The following CSMD1 variants were observed in gnomAD, a reference collection of about 807,000 sequenced individuals.
The protein encoded by CSMD1 is CUB and Sushi multiple domains 1, also known as CUB and sushi domain-containing protein 1.
Under a neutral mutation model 417.5 loss-of-function variants are expected in CSMD1, and 213 were observed. The ratio of observed to expected loss-of-function variants is 0.51; its 90% CI spans 0.46 to 0.57. CSMD1 has a LOEUF of 0.57. Ranked by LOEUF, CSMD1 falls within the 20% of genes least tolerant of loss-of-function variation. The pLI is 0.00. For missense variants in CSMD1, 6,923 were observed against 4,529.7 expected (o/e 1.53, Z -15.17); for synonymous variants, 2,862 against 1,736.8 (o/e 1.65, Z -16.11).
chr8:3,135,077 C>T (rs1284209060), intron 41 of CSMD1, among the ~76,000 whole-genome samples: 2 of 152,108 alleles, frequency 1.3e-5, no homozygotes, highest in Admixed American at 1.3e-4. Context: ...GTGTCCAACA[C>T]CACGCCCAGC....
chr8:4,385,409 C>T (rs188281380), intron 3 of CSMD1, among the ~76,000 whole-genome samples: 1 of 152,304 alleles, frequency 6.6e-6, no homozygotes, highest in African/African-American at 2.4e-5. Context: ...AATGCATGCA[C>T]TTGCTACAGC....
At chr8:4,491,102 G>C (rs796704135) in intron 2 of CSMD1, among the ~76,000 whole-genome samples, 18 of 152,250 alleles carry the variant, frequency 1.2e-4, no homozygotes, top group African/African-American at 3.9e-4. Flanking sequence ...ATGGGTACTA[G>C]GCTTAATATG....
At chr8:4,516,641 G>C (rs1419140438) in intron 2 of CSMD1, among the ~76,000 whole-genome samples, 1 of 152,076 alleles carries the variant, frequency 6.6e-6, no homozygotes, top group African/African-American at 2.4e-5. Flanking sequence ...CCTGTTGTGT[G>C]ATCCTGCCTC....
chr8:3,556,415 T>TATATATACACATACATA (rs1799148435), intron 10 of CSMD1, among the ~76,000 whole-genome samples: 1 of 57,102 alleles, frequency 1.8e-5, no homozygotes, highest in African/African-American at 6.2e-5. Context: ...ATATATATAT[T>TATATATACACATACATA]CACACACACA....
rs538500026 is a variant in CSMD1 at position 4,406,718 on chromosome 8, C to G, written c.415+13235G>C. Among the ~76,000 whole-genome samples the G allele has an allele frequency of 1.2e-4, 18 of 152,134 alleles. 1 individual carries two copies. In the South Asian group the frequency reaches 3.3e-3, roughly 28 times the overall value. On this transcript the variant is annotated intron_variant, in intron 3 of 69. Coordinates refer to ENST00000635120, the MANE Select transcript of CSMD1 (RefSeq NM_033225.6). ...AAAACTTTCAACAAGCTTGTGATGT[C>G]CAAATGATACCAGAGAATGTATTGT... is the stretch of plus-strand genomic sequence containing the variant.
At chr8:3,376,404 A>G (rs1384593650) in intron 18 of CSMD1, among the ~76,000 whole-genome samples, 1 of 152,012 alleles carries the variant, frequency 6.6e-6, no homozygotes, top group Non-Finnish European at 1.5e-5. Context: ...ACTTGTTTTT[A>G]AAGCTTTCTA....
intron 26 of CSMD1, among the ~76,000 whole-genome samples, chr8:3,246,513 C>T (rs1355288143): frequency 6.6e-6 from 1 of 151,914 alleles, no homozygotes; most frequent in Non-Finnish European, 1.5e-5. Flanking sequence ...ACTCTGTCAC[C>T]CAGGCTGGTG....
At chr8:3,268,262 A>G (rs1369636195) in intron 26 of CSMD1, among the ~76,000 whole-genome samples, 2 of 144,898 alleles carry the variant, frequency 1.4e-5, no homozygotes, top group Non-Finnish European at 3.0e-5. Flanking sequence ...TTCTCCCATC[A>G]GGGTGTGGTC....
intron 3 of CSMD1, among the ~76,000 whole-genome samples, chr8:4,262,446 G>T (rs113365892): frequency 0.022 from 3,331 of 152,274 alleles, 126 homozygotes; most frequent in African/African-American, 0.077. Context: ...CATGTTCCCC[G>T]CGCAGTGCAG....
chr8:4,546,645 A>T (rs192961106), intron 2 of CSMD1, among the ~76,000 whole-genome samples: 4 of 152,262 alleles, frequency 2.6e-5, no homozygotes, highest in Admixed American at 2.0e-4. Context: ...GCCTTGGCTG[A>T]GTTACGCCAA....
intron 1 of CSMD1, among the ~76,000 whole-genome samples, chr8:4,716,455 A>T (rs1808665651): frequency 6.6e-6 from 1 of 152,300 alleles, no homozygotes; most frequent in African/African-American, 2.4e-5. Flanking sequence ...GAAAAACAGA[A>T]TTTTTCAGTT....
intron 2 of CSMD1, among the ~76,000 whole-genome samples, chr8:4,452,720 C>G (rs796529091): frequency 2.0e-5 from 3 of 152,072 alleles, no homozygotes; most frequent in African/African-American, 7.2e-5. Flanking sequence ...TTTAAATCAA[C>G]ACGGACACAG....
At chr8:3,891,655 C>T (rs572096578) in intron 5 of CSMD1, among the ~76,000 whole-genome samples, 48 of 151,040 alleles carry the variant, frequency 3.2e-4, no homozygotes, top group African/African-American at 1.1e-3. Flanking sequence ...TGCACTAGAG[C>T]CTAGGTGACA....
chr8:4,534,901 T>C (rs1797025157), intron 2 of CSMD1, among the ~76,000 whole-genome samples: 1 of 152,158 alleles, frequency 6.6e-6, no homozygotes, highest in Admixed American at 6.5e-5. Context: ...TAGCTGGGAC[T>C]ACAGGTGCCT....
chr8:3,336,639 T>C (rs1807279136), intron 23 of CSMD1, among the ~76,000 whole-genome samples: 1 of 152,144 alleles, frequency 6.6e-6, no homozygotes, highest in African/African-American at 2.4e-5. Flanking sequence ...ACTGAGAGCA[T>C]GTACTTCATC....
chr8:3,411,709 CGT>C (rs766675621), intron 12 of CSMD1, among the ~76,000 whole-genome samples: 4 of 121,418 alleles, frequency 3.3e-5, no homozygotes, highest in South Asian at 5.4e-4. Flanking sequence ...TATATATACA[CGT>C]ATATATACAC....
At chr8:4,487,625 G>GA (rs1801484773) in intron 2 of CSMD1, among the ~76,000 whole-genome samples, 1 of 152,034 alleles carries the variant, frequency 6.6e-6, no homozygotes, top group Non-Finnish European at 1.5e-5. Context: ...AATTAAAGTA[G>GA]AAATAAGGCA....
At chr8:4,555,773 T>G (rs918985231) in intron 2 of CSMD1, among the ~76,000 whole-genome samples, 20 of 152,152 alleles carry the variant, frequency 1.3e-4, no homozygotes, top group African/African-American at 4.8e-4. Context: ...AAATGCAAAA[T>G]AATACTGAGA....
At chr8:4,203,165 C>G (rs370893516) in intron 3 of CSMD1, among the ~76,000 whole-genome samples, 1 of 152,130 alleles carries the variant, frequency 6.6e-6, no homozygotes, top group African/African-American at 2.4e-5. Flanking sequence ...GTCAGAGGGA[C>G]ATGTCATTTA....
Sources: allele counts gnomAD v4.1 joint callset (sites outside exome capture counted in the v4.1 genomes callset), GRCh38; gene constraint gnomAD v4.1.1; transcripts MANE v1.5; gene names NCBI Gene and HGNC (gene_info 2026-07-23, HGNC 2026-07-21).